Variants in KCNB2 observed in about 807,000 individuals in gnomAD.
KCNB2 encodes delayed rectifier potassium channel protein.
Under a neutral mutation model 61.5 loss-of-function variants are expected in KCNB2, and 15 were observed. The observed-to-expected ratio is 0.24, with a 90% confidence interval of 0.16 to 0.38. KCNB2 has a LOEUF of 0.38. Among genes scored for constraint, KCNB2 ranks in the 10% least tolerant of loss-of-function variants. KCNB2 has a pLI of 1.00. For synonymous variants in KCNB2, 457 were observed against 446.0 expected (o/e 1.02, Z -0.31); for missense variants, 828 against 1,125.2 (o/e 0.74, Z 3.78).
chr8:72,639,475 G>A (rs1477853574), intron 2 of KCNB2, among the ~76,000 whole-genome samples: 2 of 152,070 alleles, frequency 1.3e-5, no homozygotes, highest in Non-Finnish European at 2.9e-5. Context: ...TGGCTGTGAG[G>A]TTTGCCTTGT....
In KCNB2 at chr8:72,576,024, G is replaced by A. The variant is rs151279991; in HGVS notation, c.579+7711G>A. On this transcript the variant is annotated intron_variant, in intron 2 of 2. Coordinates refer to ENST00000523207, the MANE Select transcript of KCNB2 (RefSeq NM_004770.3). ...GTTTACCCATTTGAATTGATCATTC[G>A]GATAAAGGAAGGTGTTTTCCTTTAT... 1.8e-3 allele frequency among the ~76,000 whole-genome samples: 271 copies of A among 152,114 alleles called. 2 individuals carry two copies. Among genetic ancestry groups the A allele is most frequent in the African/African-American group, 5.6e-3 (233 of 41,494 alleles).
chr8:72,858,019 G>A (rs935180198), intron 2 of KCNB2, among the ~76,000 whole-genome samples: 25 of 152,282 alleles, frequency 1.6e-4, no homozygotes, highest in African/African-American at 6.0e-4. Context: ...TAACTTTAGA[G>A]TTAAAATAGA....
In KCNB2 at chr8:72,847,298, G is replaced by T. The variant is rs943666068; in HGVS notation, c.580-88637G>T. Reference sequence around the variant, plus strand: ...AGAAGCAAACTTCAATGTTCCCTTAGGAAAACCAAGCACCCAACTGGTGCC... The same window carrying T: ...AGAAGCAAACTTCAATGTTCCCTTATGAAAACCAAGCACCCAACTGGTGCC... On this transcript the variant is annotated intron_variant, in intron 2 of 2. Transcript: ENST00000523207. Among the ~76,000 whole-genome samples the T allele has an allele frequency of 9.1e-4, 139 of 152,284 alleles. 2 individuals carry two copies. Among genetic ancestry groups the T allele is most frequent in the African/African-American group, 3.2e-3 (131 of 41,552 alleles).
intron 2 of KCNB2, among the ~76,000 whole-genome samples, chr8:72,889,222 G>T (rs1805856410): frequency 6.6e-6 from 1 of 152,072 alleles, no homozygotes; most frequent in Non-Finnish European, 1.5e-5. Flanking sequence ...CAGCATCACT[G>T]GATGTAGAAA....
At chr8:72,672,748 G>T (rs977985177) in intron 2 of KCNB2, among the ~76,000 whole-genome samples, 2 of 151,896 alleles carry the variant, frequency 1.3e-5, no homozygotes, top group African/African-American at 4.8e-5. Flanking sequence ...TCAAACTCAA[G>T]TGCAATCTTC....
chr8:72,644,069 A>G (rs569727644), intron 2 of KCNB2, among the ~76,000 whole-genome samples: 2 of 152,284 alleles, frequency 1.3e-5, no homozygotes, highest in South Asian at 4.1e-4. Flanking sequence ...TAATGATAAC[A>G]TTATGGTCAA....
At chr8:72,754,957 G>A (rs1808263414) in intron 2 of KCNB2, among the ~76,000 whole-genome samples, 4 of 152,138 alleles carry the variant, frequency 2.6e-5, no homozygotes, top group Admixed American at 2.6e-4. Context: ...CAATGGAGAA[G>A]CCTGACACAC....
rs1040272709 is a variant in KCNB2 at position 72,705,766 on chromosome 8, CAT to C, written c.579+137454_579+137455del. The stretch of plus-strand genomic sequence containing the variant: ...GAGACACCAGAGTTGGTTTGTGTGA[CAT>C]GTGTAGCATGAGAATGAAGTGATTG... On this transcript the variant is annotated intron_variant, in intron 2 of 2. Transcript: ENST00000523207. Among the ~76,000 whole-genome samples the C allele has an allele frequency of 8.6e-4, 131 of 152,276 alleles. 1 individual carries two copies. The highest frequency in any genetic ancestry group is 3.1e-3 in the African/African-American group (128 of 41,542).
At chr8:72,821,695 T>C (rs1243673816) in intron 2 of KCNB2, among the ~76,000 whole-genome samples, 1 of 145,776 alleles carries the variant, frequency 6.9e-6, no homozygotes, top group Non-Finnish European at 1.5e-5. Flanking sequence ...TGTGTGGAAC[T>C]GGAAAAAACA....
chr8:72,726,592 C>T lies in KCNB2; in HGVS notation c.579+158279C>T, dbSNP rs142860471. On this transcript the variant is annotated intron_variant, in intron 2 of 2. Coordinates refer to ENST00000523207, the MANE Select transcript of KCNB2 (RefSeq NM_004770.3). ...ATAAAAACTAATTTATATACACATA[C>T]GACATATCCAATTTATTTTAAAAAT... Among the ~76,000 whole-genome samples the T allele has an allele frequency of 2.3e-3, 350 of 152,152 alleles. 2 individuals are homozygous for T. Among genetic ancestry groups the T allele is most frequent in the Non-Finnish European group, 4.2e-3 (289 of 68,018 alleles).
intron 2 of KCNB2, among the ~76,000 whole-genome samples, chr8:72,893,218 A>C (rs1300123874): frequency 2.6e-5 from 4 of 152,210 alleles, no homozygotes; most frequent in Admixed American, 2.6e-4. Flanking sequence ...CTTATTAAAA[A>C]AAAATCACAC....
chr8:72,858,396 A>T (rs574692902), intron 2 of KCNB2, among the ~76,000 whole-genome samples: 12 of 152,056 alleles, frequency 7.9e-5, no homozygotes, highest in South Asian at 2.1e-4. Context: ...AACTTTTTTT[A>T]AAAAAAAGAT....
intron 2 of KCNB2, among the ~76,000 whole-genome samples, chr8:72,691,050 A>G (rs1265852735): frequency 6.6e-6 from 1 of 152,196 alleles, no homozygotes; most frequent in African/African-American, 2.4e-5. Flanking sequence ...CCGTTTTCAT[A>G]TGATGGGCTG....
intron 1 of KCNB2, among the ~76,000 whole-genome samples, chr8:72,545,211 A>G (rs1806242432): frequency 6.6e-6 from 1 of 152,150 alleles, no homozygotes; most frequent in African/African-American, 2.4e-5. Flanking sequence ...ATGGCCCCTC[A>G]TTGTCTAGAA....
intron 2 of KCNB2, among the ~76,000 whole-genome samples, chr8:72,629,705 T>G (rs1315110162): frequency 2.0e-5 from 3 of 152,148 alleles, no homozygotes; most frequent in Non-Finnish European, 4.4e-5. Flanking sequence ...AGAAGGGCAA[T>G]GGGTTCTGGG....
At chr8:72,698,535 A>G (rs1807057503) in intron 2 of KCNB2, among the ~76,000 whole-genome samples, 1 of 152,200 alleles carries the variant, frequency 6.6e-6, no homozygotes, top group Admixed American at 6.6e-5. Context: ...ATGGAACTGA[A>G]AAAAGAACCA....
At chr8:72,706,203 C>G (rs1177980628) in intron 2 of KCNB2, among the ~76,000 whole-genome samples, 1 of 152,228 alleles carries the variant, frequency 6.6e-6, no homozygotes, top group Non-Finnish European at 1.5e-5. Flanking sequence ...AAGAAAGACT[C>G]TGATCCTTCC....
At chr8:72,761,765 C>T (rs1252794930) in intron 2 of KCNB2, among the ~76,000 whole-genome samples, 5 of 149,420 alleles carry the variant, frequency 3.3e-5, no homozygotes, top group African/African-American at 1.3e-4. Context: ...ATGAAAGTTA[C>T]GGCATTGATT....
chr8:72,555,371 C>G (rs1162548354), intron 1 of KCNB2, among the ~76,000 whole-genome samples: 1 of 151,608 alleles, frequency 6.6e-6, no homozygotes, highest in African/African-American at 2.4e-5. Flanking sequence ...CTTTCAGATA[C>G]AACTCTAAGA....
Sources: allele counts gnomAD v4.1 joint callset (sites outside exome capture counted in the v4.1 genomes callset), GRCh38; gene constraint gnomAD v4.1.1; transcripts MANE v1.5; gene names NCBI Gene and HGNC (gene_info 2026-07-23, HGNC 2026-07-21).